C1orf21: variants seen among roughly 807,000 people sequenced by gnomAD.
C1orf21 encodes the protein chromosome 1 open reading frame 21.
Under a neutral mutation model 18.7 loss-of-function variants are expected in C1orf21, and 3 were observed. The ratio of observed to expected loss-of-function variants is 0.16; its 90% CI spans 0.07 to 0.42. The LOEUF is 0.42. Ranked by LOEUF, C1orf21 falls within the 10% of genes least tolerant of loss-of-function variation. The pLI is 0.99. For missense variants in C1orf21, 104 were observed against 143.6 expected (o/e 0.72, Z 1.41); for synonymous variants, 41 against 46.4 (o/e 0.88, Z 0.47).
At chr1:184,395,444 C>T (rs370114634) in intron 1 of C1orf21, among the ~76,000 whole-genome samples, 5 of 152,214 alleles carry the variant, frequency 3.3e-5, no homozygotes, top group East Asian at 3.9e-4. Context: ...GGGACCTAAT[C>T]TTTGTTATTC....
At chr1:184,449,764 C>G (rs980114285) in intron 1 of C1orf21, among the ~76,000 whole-genome samples, 1 of 152,058 alleles carries the variant, frequency 6.6e-6, no homozygotes, top group Non-Finnish European at 1.5e-5. Context: ...AATTAAGATC[C>G]CTATGTGTAA....
intron 5 of C1orf21, among the ~76,000 whole-genome samples, chr1:184,615,786 T>G (rs1659811664): frequency 6.6e-6 from 1 of 152,240 alleles, no homozygotes; most frequent in Non-Finnish European, 1.5e-5. Context: ...CCCTTTATTT[T>G]TATTTACTTA....
intron 3 of C1orf21, among the ~76,000 whole-genome samples, chr1:184,514,901 C>G (rs1658200652): frequency 6.6e-6 from 1 of 152,154 alleles, no homozygotes; most frequent in Non-Finnish European, 1.5e-5. Context: ...AACAGCAACA[C>G]TGTATTTTCT....
intron 3 of C1orf21, among the ~76,000 whole-genome samples, chr1:184,586,461 T>G (rs1659355014): frequency 6.6e-6 from 1 of 151,978 alleles, no homozygotes; most frequent in Non-Finnish European, 1.5e-5. Context: ...TTTTTTGTAT[T>G]TTTAGTAGAG....
intron 2 of C1orf21, among the ~76,000 whole-genome samples, chr1:184,492,516 A>G (rs1248076035): frequency 6.6e-6 from 1 of 152,226 alleles, no homozygotes; most frequent in Non-Finnish European, 1.5e-5. Flanking sequence ...TAAAAGCTTT[A>G]TGGTCCAGAG....
At chr1:184,576,383 C>G (rs956228000) in intron 3 of C1orf21, among the ~76,000 whole-genome samples, 4 of 152,242 alleles carry the variant, frequency 2.6e-5, no homozygotes, top group Non-Finnish European at 5.9e-5. Context: ...CCTGGGCCTT[C>G]CAAAGTGCTG....
rs927988744 is a variant in C1orf21, at chr1:184,421,378, A to G, written c.-125+34010A>G. Among the ~76,000 whole-genome samples, 17 of 152,220 alleles carry G rather than the reference A, an allele frequency of 1.1e-4. 1 individual carries two copies. Among genetic ancestry groups the G allele is most frequent in the Non-Finnish European group, 1.5e-5 (1 of 68,030 alleles). Reference sequence around the variant, plus strand: ...ACTTGGGCCTTCCAAAGTGCTGGACATGAGCCGCCATTCTCAGCTTTGAAT... The same window carrying G: ...ACTTGGGCCTTCCAAAGTGCTGGACGTGAGCCGCCATTCTCAGCTTTGAAT... On this transcript the variant is annotated intron_variant, in intron 1 of 5. Transcript: ENST00000235307.
At chr1:184,540,907 T>G (rs530285461) in intron 3 of C1orf21, among the ~76,000 whole-genome samples, 2 of 152,346 alleles carry the variant, frequency 1.3e-5, no homozygotes, top group South Asian at 4.1e-4. Context: ...TTTTAACCAT[T>G]TAAAAGAATT....
chr1:184,414,020 G>A (rs999822043), intron 1 of C1orf21, among the ~76,000 whole-genome samples: 1 of 152,166 alleles, frequency 6.6e-6, no homozygotes, highest in African/African-American at 2.4e-5. Context: ...TAATATTTAT[G>A]TATACACAGA....
chr1:184,588,235 T>G (rs1325424044), intron 3 of C1orf21, among the ~76,000 whole-genome samples: 1 of 152,216 alleles, frequency 6.6e-6, no homozygotes, highest in Non-Finnish European at 1.5e-5. Context: ...GAAAAATAAC[T>G]GACAGTATCT....
At chr1:184,431,274 T>C (rs1271922167) in intron 1 of C1orf21, among the ~76,000 whole-genome samples, 1 of 152,182 alleles carries the variant, frequency 6.6e-6, no homozygotes, top group East Asian at 1.9e-4. Flanking sequence ...AACAGATATA[T>C]AGGCCAATGG....
At chr1:184,388,909 A>T (rs1450439652) in intron 1 of C1orf21, among the ~76,000 whole-genome samples, 1 of 151,832 alleles carries the variant, frequency 6.6e-6, no homozygotes, top group Non-Finnish European at 1.5e-5. Context: ...CCCCTTTTTC[A>T]TATTGTCTAG....
chr1:184,450,157 G>T (rs149618043), intron 1 of C1orf21, among the ~76,000 whole-genome samples: 1 of 152,164 alleles, frequency 6.6e-6, no homozygotes, highest in Non-Finnish European at 1.5e-5. Context: ...GGGTCACCTT[G>T]TAGAGTGCTT....
At chr1:184,492,367 C>T (rs1477793036) in intron 2 of C1orf21, among the ~76,000 whole-genome samples, 1 of 152,068 alleles carries the variant, frequency 6.6e-6, no homozygotes, top group East Asian at 1.9e-4. Flanking sequence ...TTTACCTGCT[C>T]CCCACACTAT....
chr1:184,470,494 G>A (rs555990941), intron 1 of C1orf21, among the ~76,000 whole-genome samples: 247 of 152,238 alleles, frequency 1.6e-3, no homozygotes, highest in Middle Eastern at 6.8e-3. Flanking sequence ...CTAGTCACAG[G>A]TGTCTTTCTG....
chr1:184,488,427 A>G (rs1053615887), intron 2 of C1orf21, among the ~76,000 whole-genome samples: 2 of 152,222 alleles, frequency 1.3e-5, no homozygotes, highest in Non-Finnish European at 2.9e-5. Flanking sequence ...AGTAAGGAGT[A>G]AAGCACCATG....
chr1:184,406,490 AGAGGAT>A (rs1320459718), intron 1 of C1orf21, among the ~76,000 whole-genome samples: 5 of 152,222 alleles, frequency 3.3e-5, no homozygotes, highest in African/African-American at 1.2e-4. Flanking sequence ...TAAGTGGCAT[AGAGGAT>A]CATAACTGGG....
chr1:184,526,972 T>A (rs1013222119), intron 3 of C1orf21, among the ~76,000 whole-genome samples: 2 of 152,158 alleles, frequency 1.3e-5, no homozygotes, highest in Non-Finnish European at 2.9e-5. Context: ...TTCCATGAAG[T>A]ATGCTAATGG....
Position 184,628,957 on chromosome 1 carries a change from G to A in C1orf21, c.*9401G>A, listed in dbSNP as rs1268276922. ...TAATTATATATACATATTTATACAT[G>A]TGTATTTTTGTTTATTGTTACATTT... On this transcript the variant is annotated 3_prime_UTR_variant, in exon 6 of 6. Transcript: ENST00000235307. 1.3e-5 allele frequency: 2 copies of A among 152,442 alleles called. No homozygotes were observed. The highest frequency in any genetic ancestry group is 6.5e-5 in the Admixed American group (1 of 15,270). The allele number at this position is 152,442 out of a possible 1,614,324, so 9.4% of individuals were successfully genotyped here. A position where few individuals can be genotyped will look rare whatever the true frequency, so the allele number is the denominator to read the frequency against.
Sources: gnomAD v4.1 joint callset for allele counts (sites outside exome capture counted in the v4.1 genomes callset) on GRCh38, gnomAD v4.1.1 for gene constraint, MANE v1.5 for transcripts, NCBI Gene and HGNC (gene_info 2026-07-23, HGNC 2026-07-21) for gene names.